The following FMO1 variants were observed in gnomAD, a reference collection of about 807,000 sequenced individuals.
FMO1 encodes flavin-containing monooxygenase 1.
FMO1 carries 36 observed loss-of-function variants against 45.4 expected under a neutral mutation model. The observed-to-expected ratio is 0.79, with a 90% CI of 0.61 to 1.05. The LOEUF is 1.05. FMO1 is among the 50% of genes least tolerant of loss of function. The probability of loss-of-function intolerance (pLI) is 0.00; values close to 1 mark genes in which losing one functional copy is unlikely to be tolerated. For missense variants in FMO1, 615 were observed against 640.3 expected (o/e 0.96, Z 0.43); for synonymous variants, 228 against 227.2 (o/e 1.00, Z -0.03).
chr1:171,270,947 C>A (rs1660831778), intron 3 of FMO1: 1 of 847,606 alleles, frequency 1.2e-6, no homozygotes, highest in Non-Finnish European at 1.9e-6. Flanking sequence ...CCGCTAGAAC[C>A]AACTTATTCA....
At chr1:171,262,733 A>G (rs1660427128) in intron 2 of FMO1, among the ~76,000 whole-genome samples, 1 of 152,194 alleles carries the variant, frequency 6.6e-6, no homozygotes, top group Non-Finnish European at 1.5e-5. Context: ...AAACATTTTT[A>G]ATTACTATCA....
chr1:171,273,572 A>T (rs1375307508), intron 3 of FMO1, among the ~76,000 whole-genome samples: 1 of 152,126 alleles, frequency 6.6e-6, no homozygotes, highest in Non-Finnish European at 1.5e-5. Context: ...CAGTGGCAGG[A>T]TCTTATCTCA....
chr1:171,276,995 T>A (rs932531769), intron 4 of FMO1, among the ~76,000 whole-genome samples: 2 of 152,206 alleles, frequency 1.3e-5, no homozygotes, highest in African/African-American at 4.8e-5. Context: ...CTTGGATTAC[T>A]TTAACCAACA....
At chr1:171,261,487 T>C (rs929465794) in intron 2 of FMO1, among the ~76,000 whole-genome samples, 1 of 152,234 alleles carries the variant, frequency 6.6e-6, no homozygotes, top group Non-Finnish European at 1.5e-5. Context: ...GGGACCATAA[T>C]GCAAAAGTAG....
chr1:171,262,675 C>T (rs898301663), intron 2 of FMO1, among the ~76,000 whole-genome samples: 5 of 152,186 alleles, frequency 3.3e-5, no homozygotes, highest in African/African-American at 1.2e-4. Context: ...ATTCCTGTAA[C>T]CTTTCATTAA....
At chr1:171,259,313 A>G (rs1049260674) in intron 2 of FMO1, among the ~76,000 whole-genome samples, 1 of 152,228 alleles carries the variant, frequency 6.6e-6, no homozygotes, top group African/African-American at 2.4e-5. Flanking sequence ...AAAGAACTGC[A>G]TATCTTAAAG....
At chr1:171,268,085 T>C (rs1048264136) in intron 3 of FMO1, among the ~76,000 whole-genome samples, 4 of 152,072 alleles carry the variant, frequency 2.6e-5, no homozygotes, top group African/African-American at 9.7e-5. Flanking sequence ...GTTTGGTTTT[T>C]TGTCTGTTTG....
In FMO1 at chr1:171,283,494, G is replaced by T. The variant is rs564041104; in HGVS notation, c.1256+278G>T. ...GTTTTCTAGTATCACATAGAGTTTG[G>T]ATTCCAAATCAAGTACTACATAATT... is the stretch of plus-strand genomic sequence containing the variant. On this transcript the variant is annotated intron_variant, in intron 8 of 8. Transcript: ENST00000617670. Among the ~76,000 whole-genome samples, 23 of 151,988 alleles carry T rather than the reference G, an allele frequency of 1.5e-4. 1 individual carries two copies. The highest frequency in any genetic ancestry group is 6.8e-3 in the Middle Eastern group (2 of 294).
At chr1:171,268,609 C>CT (rs139160158) in intron 3 of FMO1, among the ~76,000 whole-genome samples, 4,408 of 151,014 alleles carry the variant, frequency 0.029, 210 homozygotes, top group African/African-American at 0.099. Context: ...CCTTTTTGTC[C>CT]TTTTTTTTTC....
chr1:171,281,942 C>T lies in FMO1; in HGVS notation c.828-36C>T, dbSNP rs746192401. 12 of 1,302,202 alleles carry T rather than the reference C, an allele frequency of 9.2e-6. No homozygotes were observed. In the African/African-American group the frequency reaches 1.8e-4, roughly 19 times the overall value. 80.7% of individuals were successfully genotyped at this position (1,302,202 alleles called of 1,614,324 possible). ...AAGGGAGAGCTGGCTGAATTGTTCACTGACAAGTCTCCTCCCTGTTCATGT... is the reference window on the plus strand; with the variant it reads ...AAGGGAGAGCTGGCTGAATTGTTCATTGACAAGTCTCCTCCCTGTTCATGT... On this transcript the variant is annotated intron_variant, in intron 6 of 8. Coordinates refer to ENST00000617670, the MANE Select transcript of FMO1 (RefSeq NM_001282693.2).
At chr1:171,263,793 G>A (rs28360368) in intron 2 of FMO1, among the ~76,000 whole-genome samples, 4 of 152,132 alleles carry the variant, frequency 2.6e-5, no homozygotes, top group African/African-American at 4.8e-5. Context: ...TCTGCAGCAC[G>A]GGTGGGAGGG....
intron 2 of FMO1, among the ~76,000 whole-genome samples, chr1:171,264,049 C>T (rs1660498458): frequency 1.3e-5 from 2 of 152,170 alleles, no homozygotes; most frequent in Non-Finnish European, 2.9e-5. Context: ...GCTAAGTTTC[C>T]TCTGTAAGCT....
At chr1:171,265,489 AT>A (rs1558008687) in intron 2 of FMO1, among the ~76,000 whole-genome samples, 4 of 152,320 alleles carry the variant, frequency 2.6e-5, no homozygotes, top group African/African-American at 9.6e-5. Flanking sequence ...TTTGAAATTT[AT>A]AGAGTCAGAA....
chr1:171,261,467 T>C (rs1290772686), intron 2 of FMO1, among the ~76,000 whole-genome samples: 1 of 152,172 alleles, frequency 6.6e-6, no homozygotes, highest in Non-Finnish European at 1.5e-5. Flanking sequence ...CTTACTGCCT[T>C]AGGGTGGAAG....
chr1:171,271,679 T>C lies in FMO1; in HGVS notation c.322-3667T>C. On this transcript the variant is annotated intron_variant, in intron 3 of 8. Coordinates refer to ENST00000617670, the MANE Select transcript of FMO1 (RefSeq NM_001282693.2). ...AGTGCTGTCTCTATGGAGCTCAATG[T>C]ACTGCCTCTTCTTATGTTCTAGCAA... 1.2e-5 allele frequency: 8 copies of C among 645,724 alleles called. No homozygotes were observed. The South Asian group carries it at 1.5e-4, about 12-fold the overall frequency. The allele number at this position is 645,724 out of a possible 1,614,324, so 40.0% of individuals were successfully genotyped here.
chr1:171,255,124 G>T (rs28384845), intron 1 of FMO1, among the ~76,000 whole-genome samples: 1 of 152,082 alleles, frequency 6.6e-6, no homozygotes, highest in East Asian at 1.9e-4. Flanking sequence ...AGGGCATTTC[G>T]TTTCACCCTC....
chr1:171,249,412 T>C (rs1659778087), intron 1 of FMO1, among the ~76,000 whole-genome samples: 1 of 152,136 alleles, frequency 6.6e-6, no homozygotes, highest in Non-Finnish European at 1.5e-5. Context: ...AATTTTTATT[T>C]GCTTGTTGTG....
chr1:171,279,556 T>A (rs749005212), intron 5 of FMO1, among the ~76,000 whole-genome samples: 1 of 152,114 alleles, frequency 6.6e-6, no homozygotes, highest in Non-Finnish European at 1.5e-5. Flanking sequence ...CTAACTATCC[T>A]CTTCTACCTC....
intron 1 of FMO1, among the ~76,000 whole-genome samples, chr1:171,250,332 T>C (rs1337779122): frequency 6.6e-6 from 1 of 152,204 alleles, no homozygotes; most frequent in African/African-American, 2.4e-5. Flanking sequence ...TGTCAGCAAA[T>C]GGAACACAGT....
Sources: allele counts gnomAD v4.1 joint callset (sites outside exome capture counted in the v4.1 genomes callset), GRCh38; gene constraint gnomAD v4.1.1; transcripts MANE v1.5; gene names NCBI Gene and HGNC (gene_info 2026-07-23, HGNC 2026-07-21).